The following SYNE2 variants were observed in gnomAD, a reference collection of about 807,000 sequenced individuals.
The protein encoded by SYNE2 is nesprin-2.
SYNE2 carries 431 observed loss-of-function variants against 856.3 expected under a neutral mutation model. The ratio of observed to expected loss-of-function variants is 0.50; its 90% CI spans 0.47 to 0.55. SYNE2 has a LOEUF of 0.55. Among genes scored for constraint, SYNE2 ranks in the 20% least tolerant of loss-of-function variants. The pLI, the probability that SYNE2 is intolerant of heterozygous loss-of-function variation, is 0.00. For synonymous variants in SYNE2, 2,923 were observed against 2,872.3 expected, an observed-to-expected ratio of 1.02 and a Z score of -0.56; for missense variants, 8,129 against 8,023.2, an observed-to-expected ratio of 1.01 and a Z score of -0.50.
intron 30 of SYNE2, among the ~76,000 whole-genome samples, chr14:64,005,786 C>G (rs916037077): frequency 6.6e-6 from 1 of 152,104 alleles, no homozygotes; most frequent in African/African-American, 2.4e-5. Flanking sequence ...TTTTACAAGG[C>G]TGTTTAAAGC....
At chr14:64,203,323 A>G (rs2098586663) in intron 100 of SYNE2, among the ~76,000 whole-genome samples, 1 of 152,224 alleles carries the variant, frequency 6.6e-6, no homozygotes, top group Non-Finnish European at 1.5e-5. Flanking sequence ...TAACCAAGGA[A>G]GGTTTTTATG....
intron 7 of SYNE2, 91 bp from the exon 8 acceptor site, chr14:63,954,628 T>A: frequency 8.2e-7 from 1 of 1,212,890 alleles, no homozygotes; most frequent in East Asian, 2.5e-5. Context: ...TTTACTTGAT[T>A]TGCCAAATTT....
At chr14:64,031,471 G>A (rs1261466859) in intron 45 of SYNE2, 114 bp downstream of exon 45, 2 of 933,930 alleles carry the variant, frequency 2.1e-6, no homozygotes, top group Non-Finnish European at 3.4e-6. Context: ...AATCCTCAAT[G>A]TCCTGGCTAT....
chr14:64,094,206 C>T (rs990987302), intron 61 of SYNE2, among the ~76,000 whole-genome samples: 5 of 151,590 alleles, frequency 3.3e-5, no homozygotes, highest in Admixed American at 6.6e-5. Context: ...TGTTGGTGGG[C>T]GCCTGTAGTC....
intron 1 of SYNE2, among the ~76,000 whole-genome samples, chr14:63,805,734 G>T (rs1888338582): frequency 6.6e-6 from 1 of 152,220 alleles, no homozygotes; most frequent in South Asian, 2.1e-4. Flanking sequence ...GTACGTGTGT[G>T]TGTGGCTATT....
At chr14:63,994,921 C>A in intron 22 of SYNE2, 123 bp from the exon 23 acceptor site, 1 of 607,276 alleles carries the variant, frequency 1.6e-6, no homozygotes, top group South Asian at 2.1e-5. Context: ...ATGGATGAAT[C>A]AGAATGGCAC....
chr14:64,190,182 A>G lies in SYNE2; in HGVS notation c.17983A>G (p.Lys5995Glu). 1 of 1,614,152 alleles carries G rather than the reference A, an allele frequency of 6.2e-7. No homozygotes were observed. Among genetic ancestry groups the G allele is most frequent in the Non-Finnish European group, 8.5e-7 (1 of 1,180,026 alleles). The change falls in exon 99 of 116, where the codon AAG becomes GAG. Residue 5995 changes from lysine (K) to glutamate (E), a missense_variant. Around this residue, in one of 3 missense-constraint regions of SYNE2, gnomAD observed 5,410 missense variants for 5,284.8 expected, o/e 1.02. Coordinates refer to ENST00000555002, the MANE Select transcript of SYNE2 (RefSeq NM_182914.3). ...ATCAAGAGCAGCTGAGATCGATGAC[A>G]AGCTCAACAAAATTAACGATCGTTG... is the stretch of plus-strand genomic sequence containing the variant. The part of the protein sequence containing the change: ...NKSRAAEIDD[K>E]LNKINDRWQH...
chr14:63,944,004 A>G (rs953739349), intron 6 of SYNE2, among the ~76,000 whole-genome samples: 3 of 151,848 alleles, frequency 2.0e-5, no homozygotes, highest in African/African-American at 7.2e-5. Flanking sequence ...TAAACCAAAT[A>G]TGGTAAAATG....
At chr14:64,081,959 G>T (rs549460954) in intron 57 of SYNE2, among the ~76,000 whole-genome samples, 1 of 151,984 alleles carries the variant, frequency 6.6e-6, no homozygotes, top group Non-Finnish European at 1.5e-5. Flanking sequence ...GGTGGCGGGC[G>T]CCTGTAGTCC....
At chr14:64,164,087 C>CTTAT (rs59794233) in intron 89 of SYNE2, among the ~76,000 whole-genome samples, 25,905 of 137,598 alleles carry the variant, frequency 0.19, 2,555 homozygotes, top group African/African-American at 0.22. Flanking sequence ...GCCTGGCTTG[C>CTTAT]TTATTTATTT....
chr14:63,949,107 GAA>G (rs2096106400), intron 6 of SYNE2, among the ~76,000 whole-genome samples: 1 of 151,890 alleles, frequency 6.6e-6, no homozygotes, highest in Admixed American at 6.6e-5. Flanking sequence ...TTTGTTGAGA[GAA>G]ATGTATTAAA....
intron 52 of SYNE2, among the ~76,000 whole-genome samples, chr14:64,071,331 A>C (rs2097405417): frequency 6.6e-6 from 1 of 151,934 alleles, no homozygotes; most frequent in South Asian, 2.1e-4. Context: ...CGTCTCTACT[A>C]AAAATACAAA....
chr14:63,981,372 A>T (rs534835016), intron 16 of SYNE2, among the ~76,000 whole-genome samples, 199 bp downstream of exon 16: 1 of 152,178 alleles, frequency 6.6e-6, no homozygotes, highest in Admixed American at 6.5e-5. Flanking sequence ...TTATATATAC[A>T]TGGTCAAACA....
At chr14:64,058,654 A>AT (rs1398837830) in intron 49 of SYNE2, among the ~76,000 whole-genome samples, 1 of 151,866 alleles carries the variant, frequency 6.6e-6, no homozygotes, top group South Asian at 2.1e-4. Flanking sequence ...AATATTTTGT[A>AT]TTTTTTAGTA....
At chr14:63,850,707 G>A (rs1172328294), upstream of SYNE2, among the ~76,000 whole-genome samples, 2 of 151,890 alleles carry the variant, frequency 1.3e-5, no homozygotes, top group African/African-American at 4.8e-5. Context: ...TAATTAGAAG[G>A]GTCTAATTAG....
At chr14:63,784,171 C>G (rs1887426858) in intron 1 of SYNE2, among the ~76,000 whole-genome samples, 1 of 152,118 alleles carries the variant, frequency 6.6e-6, no homozygotes, top group Admixed American at 6.6e-5. Flanking sequence ...ATTCCCTATA[C>G]TATTCTTGCA....
chr14:64,029,763 C>T, intron 43 of SYNE2, 132 bp from the exon 44 acceptor site: 1 of 1,110,736 alleles, frequency 9.0e-7, no homozygotes, highest in South Asian at 1.4e-5. Context: ...ATCTTTAGAA[C>T]TCTAATTTAT....
chr14:64,128,411 G>T, intron 73 of SYNE2, 41 bp from the exon 74 acceptor site: 1 of 1,032,200 alleles, frequency 9.7e-7, no homozygotes, highest in South Asian at 1.3e-5. Flanking sequence ...GATAATGAAG[G>T]CCTAAATGAG....
Position 64,216,303 on chromosome 14 carries a change from C to T in SYNE2, c.19458C>T (p.Pro6486=), listed in dbSNP as rs144593270. 1,019 of 1,614,160 alleles carry T rather than the reference C, an allele frequency of 6.3e-4. 3 individuals carry two copies. The African/African-American group carries it at 0.011, about 17-fold the overall frequency. ...SWHVPDSPSC[P]EHHYKQMEGD... ...ATGTTCCCGACAGCCCTTCCTGTCC[C>T]GAGCATCACTACAAGCAAATGGAAG... The change falls in exon 108 of 116, where the codon CCC becomes CCT. Residue 6486 remains proline (P), a synonymous_variant. Transcript: ENST00000555002.
Sources: allele counts gnomAD v4.1 joint callset (sites outside exome capture counted in the v4.1 genomes callset), GRCh38; gene constraint gnomAD v4.1.1; regional missense constraint gnomAD v4.1.1; transcripts MANE v1.5; gene names NCBI Gene and HGNC (gene_info 2026-07-23, HGNC 2026-07-21).